EPB41: variants seen among roughly 807,000 people sequenced by gnomAD.
EPB41 encodes erythrocyte membrane protein band 4.1.
A neutral mutation model predicts 108.0 loss-of-function variants in EPB41; 65 were observed. That is an observed-to-expected ratio of 0.60 (90% confidence interval 0.49 to 0.74). The LOEUF (loss-of-function observed/expected upper bound fraction) is 0.74. Ranked by LOEUF, EPB41 falls within the 30% of genes least tolerant of loss-of-function variation. The pLI is 0.00. For missense variants in EPB41, 875 were observed against 1,037.0 expected (o/e 0.84, Z 2.15); for synonymous variants, 336 against 358.9 (o/e 0.94, Z 0.72).
intron 15 of EPB41, among the ~76,000 whole-genome samples, chr1:29,062,597 T>C (rs1646739764): frequency 6.6e-6 from 1 of 152,082 alleles, no homozygotes; most frequent in Admixed American, 6.5e-5. Flanking sequence ...CATCATTCTT[T>C]AGAAGTTTTT....
intron 1 of EPB41, among the ~76,000 whole-genome samples, chr1:28,928,211 C>G (rs1421329532): frequency 6.6e-6 from 1 of 151,988 alleles, no homozygotes; most frequent in Non-Finnish European, 1.5e-5. Context: ...TTACTTGACC[C>G]ACAACACATA....
chr1:28,981,812 A>T (rs1236787587), intron 1 of EPB41, among the ~76,000 whole-genome samples: 3 of 150,700 alleles, frequency 2.0e-5, no homozygotes, highest in African/African-American at 7.3e-5. Context: ...TCTTTGGGCA[A>T]CTGTAATATG....
chr1:29,005,697 A>T lies in EPB41; in HGVS notation c.787-6168A>T, dbSNP rs191658200. On this transcript the variant is annotated intron_variant, in intron 4 of 20. Coordinates refer to ENST00000343067, the MANE Select transcript of EPB41 (RefSeq NM_001376013.1). ...GGTTTTCTGGAGAAGATAATAACAGATATGAATTATAAGAGACAGTCAGGA... is the reference window on the plus strand; with the variant it reads ...GGTTTTCTGGAGAAGATAATAACAGTTATGAATTATAAGAGACAGTCAGGA... 1.1e-3 allele frequency among the ~76,000 whole-genome samples: 160 copies of T among 152,298 alleles called. 1 individual carries two copies. Among genetic ancestry groups the T allele is most frequent in the Non-Finnish European group, 1.6e-3 (106 of 68,024 alleles).
At chr1:29,058,921 A>G in intron 14 of EPB41, 69 bp downstream of exon 14, 3 of 1,281,990 alleles carry the variant, frequency 2.3e-6, no homozygotes, top group Non-Finnish European at 3.3e-6. Flanking sequence ...GTGCATTAAA[A>G]AGACAGTGAT....
intron 17 of EPB41, among the ~76,000 whole-genome samples, chr1:29,101,076 T>C (rs1009523570): frequency 4.6e-5 from 7 of 151,978 alleles, no homozygotes; most frequent in Admixed American, 3.3e-4. Context: ...AATACAAAAT[T>C]AGCCGGGCAC....
intron 15 of EPB41, among the ~76,000 whole-genome samples, chr1:29,063,831 G>A (rs1646923381): frequency 6.6e-6 from 1 of 152,134 alleles, no homozygotes; most frequent in Non-Finnish European, 1.5e-5. Flanking sequence ...TTGAAGTATT[G>A]TTGGACAAAG....
chr1:28,956,100 C>T (rs2094938586), intron 1 of EPB41, among the ~76,000 whole-genome samples: 1 of 152,178 alleles, frequency 6.6e-6, no homozygotes, highest in African/African-American at 2.4e-5. Context: ...GCAGTCAGTG[C>T]TGTGAGTCAG....
At chr1:29,030,355 GACACTATA>G in intron 7 of EPB41, 37 bp from the exon 8 acceptor site, 1 of 1,411,194 alleles carries the variant, frequency 7.1e-7, no homozygotes, top group South Asian at 1.2e-5. Flanking sequence ...TGTAAATGAT[GACACTATA>G]ACACTGAAAG....
Position 29,112,793 on chromosome 1 carries a change from G to GTGA in EPB41, c.2496+346_2496+348dup, listed in dbSNP as rs551602866. On this transcript the variant is annotated intron_variant, in intron 19 of 20. Transcript: ENST00000343067. ...CTCTCAGGGTTGTTGTGAGAATCAG[G>GTGA]TGAAATACTGGATGAACAGCTGGTG... Among the ~76,000 whole-genome samples, 170 of 152,302 alleles carry GTGA rather than the reference G, an allele frequency of 1.1e-3. 2 individuals are homozygous for GTGA. Among genetic ancestry groups the GTGA allele is most frequent in the Middle Eastern group, 0.01 (3 of 294 alleles).
chr1:28,909,536 T>G (rs1289613387), intron 1 of EPB41, among the ~76,000 whole-genome samples: 1 of 151,848 alleles, frequency 6.6e-6, no homozygotes, highest in Non-Finnish European at 1.5e-5. Context: ...TGGCTCACGC[T>G]TGTAATCCCA....
chr1:29,062,181 C>T (rs78004522), intron 15 of EPB41, among the ~76,000 whole-genome samples: 145 of 152,304 alleles, frequency 9.5e-4, no homozygotes, highest in African/African-American at 2.8e-3. Flanking sequence ...CTGAGTAGTT[C>T]CATCTTCAGA....
chr1:29,018,155 T>C lies in EPB41; in HGVS notation c.906-69T>C, dbSNP rs1477606007. 8 of 1,421,498 alleles carry C rather than the reference T, an allele frequency of 5.6e-6. No individual in the cohort carries two copies. The African/African-American group carries it at 9.8e-5, about 17-fold the overall frequency. The allele number at this position is 1,421,498 out of a possible 1,614,324, so 88.1% of individuals were successfully genotyped here. A position where few individuals can be genotyped will look rare whatever the true frequency, so the allele number is the denominator to read the frequency against. On this transcript the variant is annotated intron_variant, in intron 6 of 20. Transcript: ENST00000343067. This position sits in a 1 kb window ranked among gnomAD's most constrained non-coding sequence, Gnocchi z 4.4. Reference sequence around the variant, plus strand: ...CTCTCCCTTTCTGTTTCTCCCCTTTTCTCCTTTTTCTCTCTTTATATTTTG... The same window carrying C: ...CTCTCCCTTTCTGTTTCTCCCCTTTCCTCCTTTTTCTCTCTTTATATTTTG...
chr1:28,986,826 GAAAACCT>G (rs918151308), intron 1 of EPB41, among the ~76,000 whole-genome samples: 1 of 152,162 alleles, frequency 6.6e-6, no homozygotes, highest in African/African-American at 2.4e-5. Flanking sequence ...ATTGTAACAT[GAAAACCT>G]AAGGAAATTT....
intron 1 of EPB41, among the ~76,000 whole-genome samples, chr1:28,916,120 G>A (rs1003192555): frequency 6.6e-6 from 1 of 151,926 alleles, no homozygotes; most frequent in African/African-American, 2.4e-5. Flanking sequence ...TTTGGTTTGG[G>A]GTGTTATTAA....
intron 16 of EPB41, among the ~76,000 whole-genome samples, chr1:29,083,227 A>G (rs1657457181): frequency 6.6e-6 from 1 of 152,126 alleles, no homozygotes; most frequent in Admixed American, 6.6e-5. Flanking sequence ...AATTAGAATG[A>G]AGAGAAATGT....
At position 29,022,489 on chromosome 1, in the gene EPB41, G is replaced by A. The variant is rs187137984; in HGVS notation, c.1124+4047G>A. Among the ~76,000 whole-genome samples, 863 of 152,074 alleles carry A rather than the reference G, an allele frequency of 5.7e-3. 8 individuals are homozygous for A. The highest frequency in any genetic ancestry group is 0.018 in the African/African-American group (738 of 41,508). On this transcript the variant is annotated intron_variant, in intron 7 of 20. Coordinates refer to ENST00000343067, the MANE Select transcript of EPB41 (RefSeq NM_001376013.1). ...TGTAATCCCAGCACTTTGGGAGGCC[G>A]AGGCAGGCGGATCACAAGGTCAGGA... is the stretch of plus-strand genomic sequence containing the variant.
intron 1 of EPB41, among the ~76,000 whole-genome samples, chr1:28,962,564 A>C (rs775884982): frequency 7.9e-5 from 12 of 152,178 alleles, no homozygotes; most frequent in Non-Finnish European, 1.6e-4. Flanking sequence ...ACCCATTAGC[A>C]GTCATTCCCC....
intron 19 of EPB41, among the ~76,000 whole-genome samples, chr1:29,113,526 C>T (rs1489146978): frequency 6.6e-6 from 1 of 152,220 alleles, no homozygotes; most frequent in Non-Finnish European, 1.5e-5. Flanking sequence ...CACCCACCCA[C>T]TCAGTCTGGT....
Position 28,947,306 on chromosome 1 carries a change from G to C in EPB41, c.-8+32538G>C, listed in dbSNP as rs1477002568. On this transcript the variant is annotated intron_variant, in intron 1 of 20. Coordinates refer to ENST00000343067, the MANE Select transcript of EPB41 (RefSeq NM_001376013.1). ...GCCTGTAGTCCCAGCTACTCGGAAGGCTGAGGCAGGAGAATCGCTTGATCT... is the reference window on the plus strand; with the variant it reads ...GCCTGTAGTCCCAGCTACTCGGAAGCCTGAGGCAGGAGAATCGCTTGATCT... 2.6e-5 allele frequency among the ~76,000 whole-genome samples: 4 copies of C among 151,698 alleles called. No individual in the cohort carries two copies. In the East Asian group the frequency reaches 7.8e-4, roughly 30 times the overall value.
Sources: allele counts gnomAD v4.1 joint callset (sites outside exome capture counted in the v4.1 genomes callset), GRCh38; gene constraint gnomAD v4.1.1; non-coding constraint Gnocchi (gnomAD v3.1); transcripts MANE v1.5; gene names NCBI Gene and HGNC (gene_info 2026-07-23, HGNC 2026-07-21).